The following PMFBP1 variants were observed in gnomAD, a reference collection of about 807,000 sequenced individuals.
The protein encoded by PMFBP1 is polyamine modulated factor 1 binding protein 1.
Under a neutral mutation model 137.8 loss-of-function variants are expected in PMFBP1, and 131 were observed. The observed-to-expected ratio is 0.95, with a 90% confidence interval of 0.82 to 1.10. The LOEUF is 1.10. Among genes scored for constraint, PMFBP1 ranks in the 50% least tolerant of loss-of-function variants. The probability of loss-of-function intolerance (pLI) is 0.00; values close to 1 mark genes in which losing one functional copy is unlikely to be tolerated. For missense variants in PMFBP1, 1,199 were observed against 1,175.4 expected (o/e 1.02, Z -0.29); for synonymous variants, 490 against 450.4 (o/e 1.09, Z -1.11).
the PMFBP1 span, among the ~76,000 whole-genome samples, chr16:72,182,766 T>C: frequency 6.6e-6 from 1 of 152,214 alleles, no homozygotes; most frequent in Admixed American, 6.5e-5. Context: ...ATGTTAATGT[T>C]TCAACATTTG....
At chr16:72,165,007 T>G (rs539091410) in intron 2 of PMFBP1, 91 bp from the exon 3 acceptor site, 1 of 1,370,304 alleles carries the variant, frequency 7.3e-7, no homozygotes, top group Non-Finnish European at 9.7e-7. Flanking sequence ...GACTTGAAAT[T>G]TGCTGGAAAT....
At chr16:72,197,509 G>A in the PMFBP1 span, among the ~76,000 whole-genome samples, 1 of 152,208 alleles carries the variant, frequency 6.6e-6, no homozygotes, top group Admixed American at 6.5e-5. Flanking sequence ...TCCATGGGCA[G>A]TGTCTGGGAG....
chr16:72,218,426 C>A, the PMFBP1 span, among the ~76,000 whole-genome samples: 1 of 151,984 alleles, frequency 6.6e-6, no homozygotes, highest in South Asian at 2.1e-4. Context: ...TCCCTGGGTT[C>A]AAGCCATTCT....
At chr16:72,118,364 A>G (rs2042329017), downstream of PMFBP1, among the ~76,000 whole-genome samples, 1 of 152,212 alleles carries the variant, frequency 6.6e-6, no homozygotes, top group African/African-American at 2.4e-5. Context: ...GCATTTCTGG[A>G]ACTGCCCTTC....
At chr16:72,164,378 C>A in intron 3 of PMFBP1, 1 of 1,287,082 alleles carries the variant, frequency 7.8e-7, no homozygotes, top group Non-Finnish European at 1.0e-6. Context: ...TACCTTAGAG[C>A]AGGTGTGATG....
chr16:72,238,155 G>A, the PMFBP1 span, among the ~76,000 whole-genome samples: 1 of 152,170 alleles, frequency 6.6e-6, no homozygotes, highest in Non-Finnish European at 1.5e-5. Context: ...ATATTCCTTT[G>A]GGTATATACC....
At chr16:72,187,395 C>T in the PMFBP1 span, among the ~76,000 whole-genome samples, 1 of 152,056 alleles carries the variant, frequency 6.6e-6, no homozygotes, top group Non-Finnish European at 1.5e-5. Flanking sequence ...GCTTTTTGGT[C>T]TAGACAATGT....
rs760981208 is a variant in PMFBP1, at chr16:72,136,534, T to C, written c.1117A>G (p.Lys373Glu). 1.2e-6 allele frequency: 2 copies of C among 1,613,814 alleles called. No individual in the cohort carries two copies. The highest frequency in any genetic ancestry group is 1.7e-6 in the Non-Finnish European group (2 of 1,179,956). ...CGGCACTGCAGGATGGTGATGTCCTTATCCTTCCTCTCAATGTGGGCAGAT... is the reference window on the plus strand; with the variant it reads ...CGGCACTGCAGGATGGTGATGTCCTCATCCTTCCTCTCAATGTGGGCAGAT... ...ETSAHIERKDKDITILQCRLQ... is the reference protein window; with the variant it reads ...ETSAHIERKDEDITILQCRLQ... The change falls in exon 9 of 21, where the codon AAG (lysine) becomes GAG (glutamate). Residue 373 changes from lysine to glutamate, a missense_variant. By Grantham distance (56) the Lys-to-Glu change is moderately conservative (BLOSUM62 1). Transcript: ENST00000237353.
At chr16:72,228,837 C>CTT in the PMFBP1 span, among the ~76,000 whole-genome samples, 3 of 135,652 alleles carry the variant, frequency 2.2e-5, no homozygotes, top group Non-Finnish European at 4.7e-5. Context: ...TTATATATTA[C>CTT]TTTTTTTTTT....
chr16:72,148,045 A>G (rs2042839408), intron 5 of PMFBP1, among the ~76,000 whole-genome samples: 1 of 152,048 alleles, frequency 6.6e-6, no homozygotes, highest in African/African-American at 2.4e-5. Context: ...GATTATAAGT[A>G]ATTCTATTAT....
At chr16:72,244,054 T>C in the PMFBP1 span, among the ~76,000 whole-genome samples, 1 of 152,190 alleles carries the variant, frequency 6.6e-6, no homozygotes, top group African/African-American at 2.4e-5. Context: ...GAGCCTATTC[T>C]GCATGTCCAG....
At chr16:72,173,332 G>A (rs1282253541), upstream of PMFBP1, among the ~76,000 whole-genome samples, 3 of 152,324 alleles carry the variant, frequency 2.0e-5, no homozygotes, top group Non-Finnish European at 2.9e-5. Flanking sequence ...CTTCTTTGCA[G>A]GCAAGCCCAC....
At chr16:72,183,610 C>T in the PMFBP1 span, among the ~76,000 whole-genome samples, 1 of 152,120 alleles carries the variant, frequency 6.6e-6, no homozygotes, top group Non-Finnish European at 1.5e-5. Context: ...ATTACACCTG[C>T]AATGATGCTA....
intron 14 of PMFBP1, among the ~76,000 whole-genome samples, chr16:72,127,398 A>T (rs1015399116): frequency 6.6e-6 from 1 of 152,208 alleles, no homozygotes; most frequent in Non-Finnish European, 1.5e-5. Context: ...AAAAACATGG[A>T]GTCAGCAGGG....
At chr16:72,229,314 A>G in the PMFBP1 span, among the ~76,000 whole-genome samples, 13 of 152,332 alleles carry the variant, frequency 8.5e-5, no homozygotes, top group Non-Finnish European at 1.3e-4. Flanking sequence ...TGTGATGAAC[A>G]TAAGTGTGCA....
intron 5 of PMFBP1, among the ~76,000 whole-genome samples, chr16:72,142,606 T>C (rs960682019): frequency 5.9e-5 from 9 of 152,212 alleles, no homozygotes; most frequent in African/African-American, 1.9e-4. Flanking sequence ...TCAAGGATGA[T>C]GACAAAATAA....
the PMFBP1 span, among the ~76,000 whole-genome samples, chr16:72,196,599 G>C: frequency 5.9e-5 from 9 of 152,280 alleles, no homozygotes; most frequent in African/African-American, 1.9e-4. Context: ...GGAGCAGCTG[G>C]GTAAGCACAT....
At chr16:72,177,837 T>G (rs1307680276), upstream of PMFBP1, among the ~76,000 whole-genome samples, 1 of 152,236 alleles carries the variant, frequency 6.6e-6, no homozygotes, top group African/African-American at 2.4e-5. Flanking sequence ...ACTTGGACAC[T>G]TTTAAACAGT....
chr16:72,150,512 G>C, intron 5 of PMFBP1, 96 bp downstream of exon 5: 1 of 1,217,008 alleles, frequency 8.2e-7, no homozygotes, highest in Non-Finnish European at 1.2e-6. Context: ...CTGGGTAAAG[G>C]TTTGGGTTTC....
Sources: gnomAD v4.1 joint callset for allele counts (sites outside exome capture counted in the v4.1 genomes callset) on GRCh38, gnomAD v4.1.1 for gene constraint, MANE v1.5 for transcripts, NCBI Gene and HGNC (gene_info 2026-07-23, HGNC 2026-07-21) for gene names.